The following CLEC4M variants were observed in gnomAD, a reference collection of about 807,000 sequenced individuals.
The protein encoded by CLEC4M is CD209 antigen-like protein 1.
In CLEC4M, 25 loss-of-function variants were observed where a neutral mutation model predicts 39.1. The observed-to-expected ratio is 0.64, with a 90% CI of 0.47 to 0.89. The LOEUF is 0.89. CLEC4M is among the 40% of genes least tolerant of loss of function. CLEC4M has a pLI of 0.00. For missense variants in CLEC4M, 353 were observed against 431.4 expected, an observed-to-expected ratio of 0.82 and a Z score of 1.61; for synonymous variants, 155 against 177.4, an observed-to-expected ratio of 0.87 and a Z score of 1.00.
chr19:7,764,055 C>T (rs1053258643), intron 2 of CLEC4M, among the ~76,000 whole-genome samples: 7 of 151,882 alleles, frequency 4.6e-5, no homozygotes, highest in African/African-American at 1.7e-4. Flanking sequence ...ATGCCTGAGT[C>T]CTGGTGTTGC....
chr19:7,763,613 G>T, intron 2 of CLEC4M, 137 bp downstream of exon 2: 1 of 684,298 alleles, frequency 1.5e-6, no homozygotes, highest in Non-Finnish European at 2.5e-6. Context: ...GGGTCCTGAA[G>T]AGGACGGGGT....
intron 6 of CLEC4M, 37 bp from the exon 7 acceptor site, chr19:7,768,801 G>A (rs376925059): frequency 1.7e-5 from 28 of 1,606,610 alleles, no homozygotes; most frequent in African/African-American, 2.7e-5. Context: ...CATCTACTGG[G>A]CAGGGCAGAG....
In CLEC4M at chr19:7,768,965, G is replaced by A. The variant is rs761150558; in HGVS notation, c.1177G>A (p.Ala393Thr). Reference sequence around the variant, plus strand: ...CAATTACTGGATCTGCAAAAAGCCCGCAGCCTGCTTCAGAGACGAATAGTT... The same window carrying A: ...CAATTACTGGATCTGCAAAAAGCCCACAGCCTGCTTCAGAGACGAATAGTT... ...VDNYWICKKP[A>T]ACFRDE The change falls in exon 7 of 7, where the codon GCA (alanine) becomes ACA (threonine). Residue 393 changes from alanine to threonine, a missense_variant. Physicochemically the swap from Ala to Thr is moderately conservative, Grantham distance 58 (BLOSUM62 0). Coordinates refer to ENST00000327325, the MANE Select transcript of CLEC4M (RefSeq NM_014257.5). 15 of 1,613,930 alleles carry A rather than the reference G, an allele frequency of 9.3e-6. No homozygotes were observed. Among genetic ancestry groups the A allele is most frequent in the East Asian group, 6.7e-5 (3 of 44,900 alleles).
intron 2 of CLEC4M, 32 bp from the exon 3 acceptor site, chr19:7,765,153 A>C (rs1568528378): frequency 6.2e-7 from 1 of 1,611,216 alleles, no homozygotes; most frequent in South Asian, 1.1e-5. Context: ...AGGTGGGAAC[A>C]CTGGCAGGCT....
chr19:7,767,043 C>T lies in CLEC4M; in HGVS notation c.936+236C>T, dbSNP rs1224490593. The stretch of plus-strand genomic sequence containing the variant: ...GTAAGCAAACCACCACAGCATGCTG[C>T]AGGTGTTTAACGGCCAGCTCTCCGG... On this transcript the variant is annotated intron_variant, in intron 5 of 6. Transcript: ENST00000327325. 1.5e-5 allele frequency: 10 copies of T among 674,286 alleles called. No homozygotes were observed. In the African/African-American group the frequency reaches 1.6e-4, roughly 11 times the overall value. The allele number at this position is 674,286 out of a possible 1,614,324, so 41.8% of individuals were successfully genotyped here.
chr19:7,767,084 T>A, intron 5 of CLEC4M: 1 of 518,074 alleles, frequency 1.9e-6, no homozygotes. Context: ...AAATTCCTGA[T>A]GTGTTGTGTT....
chr19:7,768,183 G>A (rs1461755334), intron 6 of CLEC4M: 3 of 157,366 alleles, frequency 1.9e-5, no homozygotes, highest in African/African-American at 7.2e-5. Context: ...ACCTGGCCTT[G>A]GGGTGATTAG....
At chr19:7,766,838 T>C (rs368379694) in intron 5 of CLEC4M, 31 bp downstream of exon 5, 1 of 1,613,680 alleles carries the variant, frequency 6.2e-7, no homozygotes, top group South Asian at 1.1e-5. Context: ...CGTCCTGGCC[T>C]GGGGCATGGC....
chr19:7,764,016 G>A (rs1391002788), intron 2 of CLEC4M, among the ~76,000 whole-genome samples: 1 of 152,004 alleles, frequency 6.6e-6, no homozygotes, highest in Non-Finnish European at 1.5e-5. Flanking sequence ...TTCCTCCTGG[G>A]ACCTGGAGAT....
At chr19:7,765,458 G>C in intron 3 of CLEC4M, 180 bp from the exon 4 acceptor site, 2 of 1,206,542 alleles carry the variant, frequency 1.7e-6, no homozygotes, top group Non-Finnish European at 2.3e-6. Flanking sequence ...GAGGAGGAGG[G>C]GAAGAACCTG....
chr19:7,765,122 G>A, intron 2 of CLEC4M, 63 bp from the exon 3 acceptor site: 3 of 1,571,714 alleles, frequency 1.9e-6, no homozygotes, highest in East Asian at 2.2e-5. Context: ...GATTAGGCCA[G>A]GCTCTCCCTG....
In CLEC4M at chr19:7,769,096, C is replaced by T. The variant is rs1045997; in HGVS notation, c.*108C>T. 0.16 allele frequency: 182,151 copies of T among 1,164,544 alleles called. 15,072 individuals carry two copies. The highest frequency in any genetic ancestry group is 0.2 in the African/African-American group (13,135 of 65,318). The allele number at this position is 1,164,544 out of a possible 1,614,324, so 72.1% of individuals were successfully genotyped here. A position where few individuals can be genotyped will look rare whatever the true frequency, so the allele number is the denominator to read the frequency against. On this transcript the variant is annotated 3_prime_UTR_variant, in exon 7 of 7. Transcript: ENST00000327325. ...TTGGACCTTCACAAATGCCCTGAGA[C>T]GGTTCTCTGTTCGATTTTTCATCCC...
At position 7,766,399 on chromosome 19, in the gene CLEC4M, G is replaced by A. The variant is rs1035773226; in HGVS notation, c.784+192G>A. The A allele has an allele frequency of 7.0e-5, 102 of 1,459,566 alleles. No individual in the cohort carries two copies. The South Asian group carries it at 1.0e-3, about 14-fold the overall frequency. The allele number at this position is 1,459,566 out of a possible 1,614,324, so 90.4% of individuals were successfully genotyped here. A position where few individuals can be genotyped will look rare whatever the true frequency, so the allele number is the denominator to read the frequency against. On this transcript the variant is annotated intron_variant, in intron 4 of 6. Transcript: ENST00000327325. ...AGTAGACACTCAGTTCAACCAATCC[G>A]CTGCCTTCTGTTCTGAGCTCTAAAG...
chr19:7,766,587 A>G, intron 4 of CLEC4M, 69 bp from the exon 5 acceptor site: 1 of 1,603,466 alleles, frequency 6.2e-7, no homozygotes, highest in East Asian at 2.2e-5. Context: ...CAAGGGCTTG[A>G]AGGCTGGGCA....
chr19:7,765,161 G>C, intron 2 of CLEC4M, 24 bp from the exon 3 acceptor site: 9 of 1,613,086 alleles, frequency 5.6e-6, no homozygotes, highest in Non-Finnish European at 7.6e-6. Context: ...ACACTGGCAG[G>C]CTGACGCATG....
intron 2 of CLEC4M, among the ~76,000 whole-genome samples, chr19:7,764,596 C>T (rs1045380652): frequency 1.3e-5 from 2 of 152,140 alleles, no homozygotes; most frequent in African/African-American, 2.4e-5. Flanking sequence ...TCATGCCATT[C>T]TCTTGCCTCA....
chr19:7,766,236 G>A (rs762260629), intron 4 of CLEC4M, 29 bp downstream of exon 4: 12 of 1,612,556 alleles, frequency 7.4e-6, no homozygotes, highest in Admixed American at 1.7e-5. Flanking sequence ...AGGGTCCTTG[G>A]GCCTGAGATG....
intron 2 of CLEC4M, among the ~76,000 whole-genome samples, chr19:7,764,861 A>G (rs1234680438): frequency 6.6e-6 from 1 of 152,108 alleles, no homozygotes; most frequent in East Asian, 1.9e-4. Flanking sequence ...TTTCTTACAT[A>G]CAACTGAGTT....
At chr19:7,763,939 G>A (rs950682401) in intron 2 of CLEC4M, among the ~76,000 whole-genome samples, 1 of 151,046 alleles carries the variant, frequency 6.6e-6, no homozygotes, top group African/African-American at 2.4e-5. Context: ...GAATTCGTGG[G>A]TCCTGGGGAG....
Sources: gnomAD v4.1 joint callset for allele counts (sites outside exome capture counted in the v4.1 genomes callset) on GRCh38, gnomAD v4.1.1 for gene constraint, MANE v1.5 for transcripts, NCBI Gene and HGNC (gene_info 2026-07-23, HGNC 2026-07-21) for gene names.